CHAT: variants seen among roughly 807,000 people sequenced by gnomAD.
CHAT encodes the protein acetyl CoA:choline O-acetyltransferase.
CHAT carries 61 observed loss-of-function variants against 76.9 expected under a neutral mutation model. The observed-to-expected ratio is 0.79, with a 90% CI of 0.65 to 0.98. The LOEUF (loss-of-function observed/expected upper bound fraction) is 0.98, where lower values mean the gene tolerates loss of function less well. Among genes scored for constraint, CHAT ranks in the 50% least tolerant of loss-of-function variants. The pLI, the probability that CHAT is intolerant of heterozygous loss-of-function variation, is 0.00. For missense variants in CHAT, 946 were observed against 986.9 expected (o/e 0.96, Z 0.56); for synonymous variants, 407 against 397.4 (o/e 1.02, Z -0.29).
chr10:49,665,158 C>G lies in CHAT; in HGVS notation c.*112C>G. 2 of 1,173,408 alleles carry G rather than the reference C, an allele frequency of 1.7e-6. No individual in the cohort carries two copies. The highest frequency in any genetic ancestry group is 1.3e-6 in the Non-Finnish European group (1 of 791,636). The allele number at this position is 1,173,408 out of a possible 1,614,324, so 72.7% of individuals were successfully genotyped here. ...TTCCACAGCTCCCTGTCCTCAGGGT[C>G]CAACTCACAGACCATACAGAGACAT... On this transcript the variant is annotated 3_prime_UTR_variant, in exon 15 of 15. Coordinates refer to ENST00000337653, the MANE Select transcript of CHAT (RefSeq NM_020549.5).
intron 7 of CHAT, among the ~76,000 whole-genome samples, chr10:49,644,322 G>A (rs1035995154): frequency 4.6e-5 from 7 of 152,150 alleles, no homozygotes; most frequent in African/African-American, 1.2e-4. Flanking sequence ...TGGAGCCCAC[G>A]GTGCCATGTT....
At chr10:49,617,015 G>A (rs1838522074) in intron 2 of CHAT, among the ~76,000 whole-genome samples, 1 of 152,100 alleles carries the variant, frequency 6.6e-6, no homozygotes, top group Admixed American at 6.5e-5. Flanking sequence ...GGAGCCTTAG[G>A]CACCATGTTC....
At chr10:49,641,309 T>C (rs1347156149) in intron 7 of CHAT, among the ~76,000 whole-genome samples, 2 of 152,250 alleles carry the variant, frequency 1.3e-5, no homozygotes, top group Admixed American at 1.3e-4. Context: ...TGCTATGATG[T>C]TCCTTGGGTC....
chr10:49,617,215 C>A (rs1838530131), intron 2 of CHAT, among the ~76,000 whole-genome samples: 1 of 150,454 alleles, frequency 6.6e-6, no homozygotes, highest in Non-Finnish European at 1.5e-5. Context: ...TCATTTGAAA[C>A]CCTGAGCAGA....
At chr10:49,639,205 C>A (rs1839394970) in intron 7 of CHAT, among the ~76,000 whole-genome samples, 1 of 152,148 alleles carries the variant, frequency 6.6e-6, no homozygotes, top group African/African-American at 2.4e-5. Context: ...CTGCACTCTC[C>A]AGCTTGGGTG....
chr10:49,658,474 C>T (rs755097416), intron 13 of CHAT, among the ~76,000 whole-genome samples: 2 of 152,166 alleles, frequency 1.3e-5, no homozygotes, highest in African/African-American at 4.8e-5. Context: ...GCCAAGATCA[C>T]GTCATTGTAC....
At chr10:49,627,909 C>G in intron 7 of CHAT, 124 bp downstream of exon 7, 2 of 1,176,540 alleles carry the variant, frequency 1.7e-6, no homozygotes, top group Non-Finnish European at 2.4e-6. Flanking sequence ...TCAGGGCCCA[C>G]AGCATGCCCT....
At chr10:49,644,102 C>T (rs1382477793) in intron 7 of CHAT, among the ~76,000 whole-genome samples, 1 of 152,162 alleles carries the variant, frequency 6.6e-6, no homozygotes, top group Admixed American at 6.5e-5. Context: ...GCCACGTGCT[C>T]AGGGTGTTAG....
chr10:49,616,433 G>C lies in CHAT; in HGVS notation c.287-69G>C, dbSNP rs140899675. On this transcript the variant is annotated intron_variant, in intron 1 of 14. Transcript: ENST00000337653. Reference sequence around the variant, plus strand: ...GGGGCTGGGGTGGGGGTCTGTTGGCGGGAGGTGGAGGGTTTGTGACAGGCC... The same window carrying C: ...GGGGCTGGGGTGGGGGTCTGTTGGCCGGAGGTGGAGGGTTTGTGACAGGCC... 8.4e-5 allele frequency: 102 copies of C among 1,216,218 alleles called. 1 individual carries two copies. The East Asian group carries it at 2.4e-3, about 29-fold the overall frequency. 75.3% of individuals were successfully genotyped at this position (1,216,218 alleles called of 1,614,324 possible). A position where few individuals can be genotyped will look rare whatever the true frequency, so the allele number is the denominator to read the frequency against.
upstream of CHAT, among the ~76,000 whole-genome samples, chr10:49,609,940 G>A (rs910381316): frequency 6.6e-6 from 1 of 152,086 alleles, no homozygotes; most frequent in African/African-American, 2.4e-5. Context: ...TCTCCCAAGG[G>A]GCCTCGAGGA....
At chr10:49,651,640 G>A in intron 10 of CHAT, 2 of 499,448 alleles carry the variant, frequency 4.0e-6, no homozygotes, top group Admixed American at 6.5e-5. Flanking sequence ...TCCAGAGCAG[G>A]GCCGACACCC....
intron 8 of CHAT, among the ~76,000 whole-genome samples, chr10:49,647,369 A>G (rs1024576977): frequency 3.3e-5 from 5 of 152,206 alleles, no homozygotes; most frequent in East Asian, 1.9e-4. Flanking sequence ...CAACATGCCA[A>G]TCCTGAACCT....
rs1283840204 is a variant in CHAT at position 49,614,395 on chromosome 10, C to G, written c.206C>G (p.Pro69Arg). 1 of 1,546,530 alleles carries G rather than the reference C, an allele frequency of 6.5e-7. No individual in the cohort carries two copies. The highest frequency in any genetic ancestry group is 2.0e-5 in the Admixed American group (1 of 50,944). Reference protein sequence around the residue: ...PHPRAATRPPPLPAHTPAHTP... With the variant: ...PHPRAATRPPRLPAHTPAHTP... Reference sequence around the variant, plus strand: ...CCCCGCGCTGCGACACGCCCCCCACCCCTTCCGGCTCACACCCCCGCCCAC... The same window carrying G: ...CCCCGCGCTGCGACACGCCCCCCACGCCTTCCGGCTCACACCCCCGCCCAC... The change falls in exon 1 of 15, where the codon CCC becomes CGC. Residue 69 changes from proline (P) to arginine (R), a missense_variant. Around this residue, in one of 3 missense-constraint regions of CHAT, gnomAD observed 548 missense variants for 516.2 expected, o/e 1.06. Transcript: ENST00000337653.
intron 8 of CHAT, chr10:49,648,074 G>A (rs1391829352): frequency 4.2e-6 from 1 of 237,792 alleles, no homozygotes; most frequent in Non-Finnish European, 8.3e-6. Flanking sequence ...TGTGGGAAGT[G>A]AGTTTCTTTG....
Position 49,651,986 on chromosome 10 carries a change from C to T in CHAT, c.1614C>T (p.Ala538=), listed in dbSNP as rs1171598826. Residue 538 remains alanine (A), a synonymous_variant, in exon 11 of 15, where the codon GCC becomes GCT. Coordinates refer to ENST00000337653, the MANE Select transcript of CHAT (RefSeq NM_020549.5). Reference sequence around the variant, plus strand: ...GCCCTGATGCCTTCATCCAGGTGGCCCTCCAGCTGGCCTTCTACAGGTGAG... The same window carrying T: ...GCCCTGATGCCTTCATCCAGGTGGCTCTCCAGCTGGCCTTCTACAGGTGAG... ...KCSPDAFIQV[A]LQLAFYRLHR... is the part of the protein sequence containing the mutation. The T allele has an allele frequency of 2.5e-6, 4 of 1,614,058 alleles. No homozygotes were observed. The highest frequency in any genetic ancestry group is 3.4e-6 in the Non-Finnish European group (4 of 1,180,040).
At chr10:49,636,967 T>C (rs1839313685) in intron 7 of CHAT, among the ~76,000 whole-genome samples, 1 of 152,202 alleles carries the variant, frequency 6.6e-6, no homozygotes, top group African/African-American at 2.4e-5. Flanking sequence ...CTTATTATAC[T>C]TTTGATGTCT....
At chr10:49,662,452 C>T (rs1283365788) in intron 13 of CHAT, among the ~76,000 whole-genome samples, 193 bp from the exon 14 acceptor site, 1 of 152,198 alleles carries the variant, frequency 6.6e-6, no homozygotes, top group Non-Finnish European at 1.5e-5. Flanking sequence ...GCGCAAGGGC[C>T]CGGGAGCAGA....
intron 7 of CHAT, among the ~76,000 whole-genome samples, chr10:49,631,353 G>T (rs868135197): frequency 2.0e-5 from 3 of 152,186 alleles, no homozygotes. Flanking sequence ...TCTTGCCTCT[G>T]TGCGTATCTG....
chr10:49,611,352 C>A (rs752222885), upstream of CHAT: 17 of 1,601,054 alleles, frequency 1.1e-5, no homozygotes, highest in Non-Finnish European at 1.4e-5. Flanking sequence ...CCGATAAGTA[C>A]CCGGAGGAGC....
Sources: allele counts gnomAD v4.1 joint callset (sites outside exome capture counted in the v4.1 genomes callset), GRCh38; gene constraint gnomAD v4.1.1; regional missense constraint gnomAD v4.1.1; transcripts MANE v1.5; gene names NCBI Gene and HGNC (gene_info 2026-07-23, HGNC 2026-07-21).